The following SVIL variants were observed in gnomAD, a reference collection of about 807,000 sequenced individuals.
The protein encoded by SVIL is supervillin.
Under a neutral mutation model 240.4 loss-of-function variants are expected in SVIL, and 101 were observed. The observed-to-expected ratio is 0.42, with a 90% CI of 0.36 to 0.50. SVIL has a LOEUF of 0.50. SVIL is among the 20% of genes least tolerant of loss of function. The pLI is 0.01. For synonymous variants in SVIL, 999 were observed against 1,100.0 expected (o/e 0.91, Z 1.82); for missense variants, 2,512 against 2,818.7 (o/e 0.89, Z 2.46).
intron 3 of SVIL, among the ~76,000 whole-genome samples, chr10:29,646,461 C>T (rs1175393240): frequency 6.6e-6 from 1 of 152,152 alleles, no homozygotes; most frequent in East Asian, 1.9e-4. Flanking sequence ...CTTACTGGCC[C>T]GTATGGTAAG....
intron 3 of SVIL, among the ~76,000 whole-genome samples, chr10:29,656,214 G>A (rs1287905891): frequency 9.3e-5 from 14 of 150,936 alleles, no homozygotes; most frequent in Non-Finnish European, 1.3e-4. Context: ...AGAGGCATTC[G>A]ATTTTGTCAA....
rs1167566122 is a variant in SVIL at position 29,689,212 on chromosome 10, A to C, written c.-399-2561T>G. ...TATGCCAAAAGGAAGTGATTCATCC[A>C]TGCGTATACAGCTACCCACTGGCAG... On this transcript the variant is annotated intron_variant, in intron 1 of 35. Coordinates refer to the SVIL transcript ENST00000375400. 2.6e-5 allele frequency among the ~76,000 whole-genome samples: 4 copies of C among 152,210 alleles called. No homozygotes were observed. The South Asian group carries it at 8.3e-4, about 32-fold the overall frequency.
intron 2 of SVIL, among the ~76,000 whole-genome samples, chr10:29,680,699 A>C (rs1481707382): frequency 6.6e-6 from 1 of 152,194 alleles, no homozygotes; most frequent in African/African-American, 2.4e-5. Flanking sequence ...CGGGTGGATC[A>C]CTTGAGGTCA....
At chr10:29,652,591 G>C (rs1348410662) in intron 3 of SVIL, among the ~76,000 whole-genome samples, 1 of 152,178 alleles carries the variant, frequency 6.6e-6, no homozygotes, top group African/African-American at 2.4e-5. Context: ...GATATGCCTA[G>C]GAGTGGATAT....
chr10:29,515,152 T>C (rs1426690829), intron 16 of SVIL, among the ~76,000 whole-genome samples: 1 of 152,192 alleles, frequency 6.6e-6, no homozygotes, highest in East Asian at 1.9e-4. Flanking sequence ...TCTCTAGAAC[T>C]GGGGTAAGGC....
At chr10:29,671,458 C>T (rs1959769983) in intron 2 of SVIL, among the ~76,000 whole-genome samples, 1 of 152,192 alleles carries the variant, frequency 6.6e-6, no homozygotes, top group Admixed American at 6.5e-5. Context: ...ATTCCTTACT[C>T]GAATCTCTGA....
In SVIL at chr10:29,634,883, A is replaced by T. The variant is rs1471019023; in HGVS notation, c.-664T>A. ...GTGTCCTCGAGGCTGAACTTCCCCA[A>T]CCTGGCCTCGGTGGAGCCATCCATT... On this transcript the variant is annotated 5_prime_UTR_variant, in exon 1 of 38. The change creates a new upstream start codon in the 5' untranslated region. Transcript: ENST00000355867. 1 of 151,486 alleles carries T rather than the reference A, an allele frequency of 6.6e-6. No homozygotes were observed. Among genetic ancestry groups the T allele is most frequent in the South Asian group, 2.1e-4 (1 of 4,764 alleles). 9.4% of individuals were successfully genotyped at this position (151,486 alleles called of 1,614,324 possible). A position where few individuals can be genotyped will look rare whatever the true frequency, so the allele number is the denominator to read the frequency against.
At chr10:29,642,276 G>T (rs946800820) in intron 3 of SVIL, among the ~76,000 whole-genome samples, 2 of 152,008 alleles carry the variant, frequency 1.3e-5, no homozygotes, top group Non-Finnish European at 2.9e-5. Context: ...GCTCGAGCCT[G>T]TAATCCCAGC....
In SVIL at chr10:29,484,546, A is replaced by C; in HGVS notation, c.4955+110T>G. Reference sequence around the variant, plus strand: ...CACAGTCCACTGCATATAATCGTTTATGAAAACTGAACCCTATAAAGAGCG... The same window carrying C: ...CACAGTCCACTGCATATAATCGTTTCTGAAAACTGAACCCTATAAAGAGCG... On this transcript the variant is annotated intron_variant, in intron 27 of 37. Coordinates refer to ENST00000355867, the MANE Select transcript of SVIL (RefSeq NM_021738.3). This position sits in a 1 kb window ranked among gnomAD's most constrained non-coding sequence, Gnocchi z 4.7. 1 of 915,878 alleles carries C rather than the reference A, an allele frequency of 1.1e-6. No individual in the cohort carries two copies. The highest frequency in any genetic ancestry group is 1.6e-6 in the Non-Finnish European group (1 of 639,594). The allele number at this position is 915,878 out of a possible 1,614,324, so 56.7% of individuals were successfully genotyped here.
At chr10:29,557,217 T>C (rs1470723190) in intron 3 of SVIL, among the ~76,000 whole-genome samples, 1 of 152,102 alleles carries the variant, frequency 6.6e-6, no homozygotes, top group African/African-American at 2.4e-5. Context: ...CAACTCAGCC[T>C]CGCGAGTAGG....
intron 10 of SVIL, 130 bp from the exon 11 acceptor site, chr10:29,530,798 G>T: frequency 1.0e-6 from 1 of 1,003,558 alleles, no homozygotes; most frequent in Non-Finnish European, 1.5e-6. Flanking sequence ...ATAATTGGTG[G>T]TAGTTTCCCC....
intron 3 of SVIL, among the ~76,000 whole-genome samples, chr10:29,559,413 C>T (rs1037103213): frequency 6.6e-6 from 1 of 151,908 alleles, no homozygotes; most frequent in Non-Finnish European, 1.5e-5. Context: ...AGCATGAGGC[C>T]CCTTCATCTC....
intron 6 of SVIL, among the ~76,000 whole-genome samples, chr10:29,540,093 A>G (rs892419355): frequency 6.6e-6 from 1 of 152,152 alleles, no homozygotes; most frequent in African/African-American, 2.4e-5. Context: ...GCCCCACTAA[A>G]GTCTATCTTC....
intron 7 of SVIL, among the ~76,000 whole-genome samples, 190 bp from the exon 8 acceptor site, chr10:29,533,648 G>C (rs559839328): frequency 6.6e-6 from 1 of 152,298 alleles, no homozygotes; most frequent in East Asian, 1.9e-4. Context: ...ATTTGCATAT[G>C]TATGCCCAGG....
At chr10:29,495,390 C>CT (rs1435529529) in intron 18 of SVIL, among the ~76,000 whole-genome samples, 2 of 151,958 alleles carry the variant, frequency 1.3e-5, no homozygotes, top group Admixed American at 6.5e-5. Context: ...TTTCCAAGGA[C>CT]TGTAGTGGCT....
upstream of SVIL, among the ~76,000 whole-genome samples, chr10:29,638,232 C>T (rs967220433): frequency 5.9e-5 from 9 of 152,174 alleles, no homozygotes; most frequent in Middle Eastern, 0.01. Context: ...GAGGCTGTGG[C>T]GGATGGATTA....
chr10:29,730,076 G>T (rs1053260159), intron 1 of SVIL, among the ~76,000 whole-genome samples: 24 of 152,036 alleles, frequency 1.6e-4, no homozygotes, highest in African/African-American at 5.5e-4. Flanking sequence ...TACTTGGGAG[G>T]CTGAGGAGGG....
chr10:29,502,775 A>T (rs1330295716), intron 17 of SVIL, among the ~76,000 whole-genome samples: 1 of 152,182 alleles, frequency 6.6e-6, no homozygotes, highest in Non-Finnish European at 1.5e-5. Context: ...GGTAGGTCAC[A>T]GCTTGAAACT....
Position 29,713,189 on chromosome 10 carries a change from G to GA in SVIL, c.-400+22561dup, listed in dbSNP as rs935970272. 1.1e-3 allele frequency among the ~76,000 whole-genome samples: 151 copies of GA among 132,386 alleles called. No individual in the cohort carries two copies. In the Middle Eastern group the frequency reaches 0.012, roughly 10 times the overall value. 86.9% of individuals were successfully genotyped at this position (132,386 alleles called of 152,430 possible). Reference sequence around the variant, plus strand: ...ACAGTCCATCTCAAAAAAGAAAAAAGAAAAAAAAAAACTGCAGTGGTAATC... The same window carrying GA: ...ACAGTCCATCTCAAAAAAGAAAAAAGAAAAAAAAAAAACTGCAGTGGTAATC... On this transcript the variant is annotated intron_variant, in intron 1 of 35. Coordinates refer to the SVIL transcript ENST00000375400.
Sources: allele counts gnomAD v4.1 joint callset (sites outside exome capture counted in the v4.1 genomes callset), GRCh38; gene constraint gnomAD v4.1.1; non-coding constraint Gnocchi (gnomAD v3.1); transcripts MANE v1.5; gene names NCBI Gene and HGNC (gene_info 2026-07-23, HGNC 2026-07-21).